Variants in PDE1C observed in about 807,000 individuals in gnomAD.
PDE1C encodes phosphodiesterase 1C.
PDE1C carries 62 observed loss-of-function variants against 93.1 expected under a neutral mutation model. That is an observed-to-expected ratio of 0.67 (90% CI 0.54 to 0.82). The LOEUF (loss-of-function observed/expected upper bound fraction) is 0.82. Ranked by LOEUF, PDE1C falls within the 40% of genes least tolerant of loss-of-function variation. PDE1C has a pLI of 0.00. For missense variants in PDE1C, 742 were observed against 884.6 expected (o/e 0.84, Z 2.04); for synonymous variants, 325 against 310.1 (o/e 1.05, Z -0.50).
At chr7:31,686,602 C>G in the PDE1C span, 1 of 152,148 alleles carries the variant, frequency 6.6e-6, no homozygotes, top group African/African-American at 2.4e-5. Flanking sequence ...CCTAGCTTCA[C>G]CATGTGGGGA....
At position 31,934,741 on chromosome 7, in the gene PDE1C, C is replaced by T. The variant is rs145259520; in HGVS notation, c.129-53881G>A. Among the ~76,000 whole-genome samples, 265 of 152,144 alleles carry T rather than the reference C, an allele frequency of 1.7e-3. 2 individuals are homozygous for T. The highest frequency in any genetic ancestry group is 5.9e-3 in the African/African-American group (243 of 41,522). On this transcript the variant is annotated intron_variant, in intron 2 of 17. Transcript: ENST00000396191. ...TCTTATGCCATCATTCTCCTAAATGCCCAGAAATTTTACTCAAGGTCAGTT... is the reference window on the plus strand; with the variant it reads ...TCTTATGCCATCATTCTCCTAAATGTCCAGAAATTTTACTCAAGGTCAGTT...
intron 1 of PDE1C, among the ~76,000 whole-genome samples, chr7:32,223,095 G>T (rs1562594574): frequency 6.6e-6 from 1 of 152,196 alleles, no homozygotes; most frequent in Non-Finnish European, 1.5e-5. Flanking sequence ...ACCTCCCTGT[G>T]CAAAGCCCTC....
intron 16 of PDE1C, chr7:31,786,937 CTATCTATCTATCT>C (rs1440293339): frequency 3.4e-5 from 3 of 86,972 alleles, no homozygotes; most frequent in South Asian, 3.6e-4. Flanking sequence ...ATCTATCTAT[CTATCTATCTATCT>C]ATCTATCATC....
chr7:31,652,191 C>G, the PDE1C span: 4 of 742,144 alleles, frequency 5.4e-6, no homozygotes, highest in Non-Finnish European at 8.9e-6. Context: ...CAGAGAAGTA[C>G]TTTGGTTTGC....
chr7:31,759,240 G>T (rs763137838), intron 17 of PDE1C, among the ~76,000 whole-genome samples: 1 of 152,166 alleles, frequency 6.6e-6, no homozygotes, highest in East Asian at 1.9e-4. Flanking sequence ...CAGGCATGAG[G>T]GCACCATCTT....
downstream of PDE1C, among the ~76,000 whole-genome samples, chr7:31,749,081 A>G (rs1241548829): frequency 6.6e-6 from 1 of 152,078 alleles, no homozygotes; most frequent in Non-Finnish European, 1.5e-5. Context: ...ATCCTAACAG[A>G]GGGATGCTGG....
intron 1 of PDE1C, among the ~76,000 whole-genome samples, chr7:32,414,842 A>C (rs10239897): frequency 1.3e-5 from 2 of 151,580 alleles, no homozygotes; most frequent in African/African-American, 4.9e-5. Flanking sequence ...AAAAAAAAAA[A>C]GCCTGTAAAA....
At chr7:32,241,699 GA>G (rs1209777669) in intron 1 of PDE1C, among the ~76,000 whole-genome samples, 3 of 152,128 alleles carry the variant, frequency 2.0e-5, no homozygotes, top group Admixed American at 6.5e-5. Flanking sequence ...TAATCCAGTG[GA>G]AAATGAATAA....
chr7:31,736,588 G>A, the PDE1C span, among the ~76,000 whole-genome samples: 1 of 152,186 alleles, frequency 6.6e-6, no homozygotes, highest in Non-Finnish European at 1.5e-5. Flanking sequence ...AGGAAAAATT[G>A]TCACATTGCA....
intron 11 of PDE1C, among the ~76,000 whole-genome samples, chr7:31,835,038 T>C (rs778229080): frequency 1.3e-5 from 2 of 152,078 alleles, no homozygotes; most frequent in Non-Finnish European, 1.5e-5. Context: ...GGTTTTATAA[T>C]GGAAAAATCC....
At chr7:31,717,411 G>A in the PDE1C span, among the ~76,000 whole-genome samples, 3 of 152,134 alleles carry the variant, frequency 2.0e-5, no homozygotes, top group East Asian at 3.9e-4. Flanking sequence ...CAAAGCAAAG[G>A]TTGCCTGCCT....
chr7:31,738,536 A>C, the PDE1C span, among the ~76,000 whole-genome samples: 13 of 152,196 alleles, frequency 8.5e-5, no homozygotes, highest in Non-Finnish European at 1.6e-4. Flanking sequence ...ATTGCAATTC[A>C]AGGTGAGATT....
At chr7:31,721,177 G>A in the PDE1C span, among the ~76,000 whole-genome samples, 6 of 152,282 alleles carry the variant, frequency 3.9e-5, no homozygotes, top group East Asian at 1.9e-4. Flanking sequence ...AAAAGGAAGA[G>A]GTCAGCAGGA....
chr7:31,756,787 T>A (rs1002682385), intron 17 of PDE1C, among the ~76,000 whole-genome samples: 3 of 152,066 alleles, frequency 2.0e-5, no homozygotes, highest in Non-Finnish European at 4.4e-5. Context: ...CAAATGATCA[T>A]CAAAAACAGA....
At chr7:31,794,041 TAGACAGACAGAC>T (rs71559203) in intron 16 of PDE1C, among the ~76,000 whole-genome samples, 202 of 89,562 alleles carry the variant, frequency 2.3e-3, no homozygotes, top group South Asian at 0.011. Flanking sequence ...GATAGATAGA[TAGACAGACAGAC>T]AGACAGACAG....
intron 2 of PDE1C, among the ~76,000 whole-genome samples, chr7:32,030,014 G>A (rs143072438): frequency 1.3e-4 from 19 of 151,244 alleles, no homozygotes; most frequent in African/African-American, 4.4e-4. Context: ...TCTATGAGCT[G>A]ACATAGAAAA....
intron 2 of PDE1C, among the ~76,000 whole-genome samples, chr7:31,938,294 G>C (rs535096832): frequency 4.6e-5 from 7 of 151,698 alleles, no homozygotes; most frequent in Non-Finnish European, 1.0e-4. Flanking sequence ...TCTAAAATTG[G>C]TTTGCAAAGG....
intron 1 of PDE1C, among the ~76,000 whole-genome samples, chr7:32,058,258 C>T (rs566744906): frequency 6.6e-6 from 1 of 152,336 alleles, no homozygotes; most frequent in South Asian, 2.1e-4. Context: ...ACCACTACCA[C>T]CGCCGACACA....
At chr7:32,036,798 T>C (rs2128648833) in intron 2 of PDE1C, among the ~76,000 whole-genome samples, 1 of 152,266 alleles carries the variant, frequency 6.6e-6, no homozygotes, top group South Asian at 2.1e-4. Context: ...AGGCAGAGGT[T>C]ATCCACATGT....
Sources: gnomAD v4.1 joint callset for allele counts (sites outside exome capture counted in the v4.1 genomes callset) on GRCh38, gnomAD v4.1.1 for gene constraint, MANE v1.5 for transcripts, NCBI Gene and HGNC (gene_info 2026-07-23, HGNC 2026-07-21) for gene names.